Variants in ADGRA3 observed in about 807,000 individuals in gnomAD.
ADGRA3 encodes the protein G-protein coupled receptor 125.
A neutral mutation model predicts 119.8 loss-of-function variants in ADGRA3; 56 were observed. The observed-to-expected ratio is 0.47, with a 90% CI of 0.38 to 0.58. The LOEUF is 0.58. Ranked by LOEUF, ADGRA3 falls within the 20% of genes least tolerant of loss-of-function variation. The probability of loss-of-function intolerance (pLI) is 0.00; values close to 1 mark genes in which losing one functional copy is unlikely to be tolerated. For missense variants in ADGRA3, 1,516 were observed against 1,649.0 expected (o/e 0.92, Z 1.40); for synonymous variants, 607 against 623.8 (o/e 0.97, Z 0.40).
chr4:22,513,561 G>C (rs887684689), intron 1 of ADGRA3, among the ~76,000 whole-genome samples: 3 of 150,066 alleles, frequency 2.0e-5, no homozygotes, highest in Non-Finnish European at 3.0e-5. Flanking sequence ...ACATAGGCTG[G>C]AGTGCAGTGG....
chr4:22,409,715 T>C (rs1436000900), intron 14 of ADGRA3, among the ~76,000 whole-genome samples: 1 of 152,178 alleles, frequency 6.6e-6, no homozygotes, highest in Non-Finnish European at 1.5e-5. Context: ...ACCATCATAG[T>C]TAAGAAATGT....
chr4:22,479,404 A>C (rs1718169157), intron 1 of ADGRA3, among the ~76,000 whole-genome samples: 1 of 151,902 alleles, frequency 6.6e-6, no homozygotes, highest in Non-Finnish European at 1.5e-5. Context: ...CGGAGCTTGC[A>C]GTGAGCCGAG....
chr4:22,413,447 A>AT, intron 13 of ADGRA3, 57 bp from the exon 14 acceptor site: 2 of 1,494,550 alleles, frequency 1.3e-6, no homozygotes, highest in Non-Finnish European at 1.9e-6. Context: ...CCAATTATAA[A>AT]TGTCAACTTC....
In ADGRA3 at chr4:22,418,048, T is replaced by C. The variant is rs192736328; in HGVS notation, c.1809+2838A>G. Among the ~76,000 whole-genome samples the C allele has an allele frequency of 3.3e-5, 5 of 152,312 alleles. No individual in the cohort carries two copies. The East Asian group carries it at 7.7e-4, about 24-fold the overall frequency. Reference sequence around the variant, plus strand: ...ACCAGCTTATTTCCAAAGCCCTCAGTAAAAGTAAAGTAGTTTACTGAAAAC... The same window carrying C: ...ACCAGCTTATTTCCAAAGCCCTCAGCAAAAGTAAAGTAGTTTACTGAAAAC... On this transcript the variant is annotated intron_variant, in intron 12 of 18. Coordinates refer to ENST00000334304, the MANE Select transcript of ADGRA3 (RefSeq NM_145290.4).
chr4:22,414,727 T>C lies in ADGRA3; in HGVS notation c.1810-913A>G, dbSNP rs73800937. 1.2e-3 allele frequency: 703 copies of C among 601,358 alleles called. 4 individuals carry two copies. The African/African-American group carries it at 0.012, about 10-fold the overall frequency. 37.3% of individuals were successfully genotyped at this position (601,358 alleles called of 1,614,324 possible). ...ATTTGATGAAAATCTATTGCTCAGA[T>C]GTATCCCCTGAATGCTCCTATAGCA... On this transcript the variant is annotated intron_variant, in intron 12 of 18. Transcript: ENST00000334304.
At chr4:22,465,335 A>G (rs1189854305) in intron 2 of ADGRA3, among the ~76,000 whole-genome samples, 1 of 152,136 alleles carries the variant, frequency 6.6e-6, no homozygotes, top group African/African-American at 2.4e-5. Flanking sequence ...AGATTTTTCA[A>G]ATACTCTGGT....
At chr4:22,403,386 T>G (rs972330831) in intron 14 of ADGRA3, among the ~76,000 whole-genome samples, 3 of 151,808 alleles carry the variant, frequency 2.0e-5, no homozygotes, top group African/African-American at 7.3e-5. Context: ...CAATGTTTGA[T>G]GAAGATAAGT....
chr4:22,465,975 GTCA>G (rs1322170741), intron 2 of ADGRA3, among the ~76,000 whole-genome samples: 1 of 152,036 alleles, frequency 6.6e-6, no homozygotes, highest in Admixed American at 6.6e-5. Flanking sequence ...CTCTGTCCTG[GTCA>G]TCATCATCAC....
At chr4:22,458,776 C>T (rs995757629) in intron 3 of ADGRA3, among the ~76,000 whole-genome samples, 1 of 152,182 alleles carries the variant, frequency 6.6e-6, no homozygotes, top group African/African-American at 2.4e-5. Flanking sequence ...CTACCACCTA[C>T]CCCAGACCAG....
rs1330865653 is a variant in ADGRA3 at position 22,413,251 on chromosome 4, A to T, written c.2163T>A (p.His721Gln). The T allele has an allele frequency of 6.2e-7, 1 of 1,614,132 alleles. No individual in the cohort carries two copies. Among genetic ancestry groups the T allele is most frequent in the Non-Finnish European group, 8.5e-7 (1 of 1,179,976 alleles). ...GQGGWKSDGC[H>Q]ILYSDENITT... ...TGATATTTTCATCTGAATAGAGTAT[A>T]TGGCACCCATCTGACTTCCAGCCTC... is the stretch of plus-strand genomic sequence containing the variant. Residue 721 changes from histidine (H) to glutamine (Q), a missense_variant, in exon 14 of 19, where the codon CAT (histidine) becomes CAA (glutamine). By Grantham distance (24) the His-to-Gln change is conservative. Transcript: ENST00000334304.
chr4:22,402,838 T>C, intron 14 of ADGRA3, 39 bp from the exon 15 acceptor site: 1 of 1,577,690 alleles, frequency 6.3e-7, no homozygotes. Context: ...GCAGTACTTC[T>C]CTCCACATTT....
chr4:22,451,445 G>A (rs1279137945), intron 4 of ADGRA3, among the ~76,000 whole-genome samples: 1 of 152,108 alleles, frequency 6.6e-6, no homozygotes, highest in Non-Finnish European at 1.5e-5. Flanking sequence ...CAGTGGGACA[G>A]AGTGAGAACC....
At chr4:22,475,909 T>C (rs2109125387) in intron 1 of ADGRA3, among the ~76,000 whole-genome samples, 1 of 152,024 alleles carries the variant, frequency 6.6e-6, no homozygotes, top group South Asian at 2.1e-4. Flanking sequence ...CACCACCTGT[T>C]CCCCCAAAAT....
intron 1 of ADGRA3, among the ~76,000 whole-genome samples, chr4:22,496,829 C>T (rs1219447499): frequency 6.6e-6 from 1 of 152,190 alleles, no homozygotes; most frequent in Non-Finnish European, 1.5e-5. Flanking sequence ...GAGTGTTGGG[C>T]TTCCGGGGCC....
intron 4 of ADGRA3, among the ~76,000 whole-genome samples, chr4:22,448,539 C>G (rs189889898): frequency 6.6e-6 from 1 of 152,308 alleles, no homozygotes; most frequent in African/African-American, 2.4e-5. Context: ...CCTCTGGAAT[C>G]TGGGCTGAAT....
chr4:22,514,371 T>C (rs1298983950), intron 1 of ADGRA3: 7 of 152,108 alleles, frequency 4.6e-5, no homozygotes, highest in Non-Finnish European at 7.4e-5. Flanking sequence ...AATAGACACA[T>C]AGACACAATT....
At chr4:22,416,057 T>C (rs1340187829) in intron 12 of ADGRA3, among the ~76,000 whole-genome samples, 1 of 152,214 alleles carries the variant, frequency 6.6e-6, no homozygotes, top group Non-Finnish European at 1.5e-5. Flanking sequence ...TAGACTTTTA[T>C]ACTAACAATG....
At chr4:22,401,952 G>A (rs372513261) in intron 15 of ADGRA3, among the ~76,000 whole-genome samples, 15 of 151,986 alleles carry the variant, frequency 9.9e-5, no homozygotes, top group East Asian at 5.8e-4. Context: ...ACCCACTGGC[G>A]CAGGTCTAAA....
chr4:22,475,586 G>C (rs935663038), intron 1 of ADGRA3, among the ~76,000 whole-genome samples: 4 of 152,108 alleles, frequency 2.6e-5, no homozygotes, highest in Non-Finnish European at 5.9e-5. Context: ...AATTAGCCGG[G>C]CGTAGTGGTG....
Sources: gnomAD v4.1 joint callset for allele counts (sites outside exome capture counted in the v4.1 genomes callset) on GRCh38, gnomAD v4.1.1 for gene constraint, MANE v1.5 for transcripts, NCBI Gene and HGNC (gene_info 2026-07-23, HGNC 2026-07-21) for gene names.